Variants in LUZP2 observed in about 807,000 individuals in gnomAD.
LUZP2 encodes the protein leucine zipper protein 2.
LUZP2 carries 52 observed loss-of-function variants against 51.6 expected under a neutral mutation model. The ratio of observed to expected loss-of-function variants is 1.01; its 90% CI spans 0.81 to 1.27. The LOEUF (loss-of-function observed/expected upper bound fraction) is 1.27. Ranked by LOEUF, LUZP2 falls within the 50% of genes most tolerant of loss-of-function variation. The pLI is 0.00. For synonymous variants in LUZP2, 154 were observed against 137.3 expected (o/e 1.12, Z -0.85); for missense variants, 436 against 395.4 (o/e 1.10, Z -0.87).
chr11:24,497,277 C>A lies in LUZP2; in HGVS notation c.34C>A (p.Leu12Ile). The change falls in exon 1 of 12, where the codon CTC (leucine) becomes ATC (isoleucine). Residue 12 changes from leucine (L) to isoleucine (I), a missense_variant. By Grantham distance (5) the Leu-to-Ile change is conservative. Transcript: ENST00000336930. The stretch of plus-strand genomic sequence containing the variant: ...CAGCCCAGCGCACTACCTGCTGCCT[C>A]TCCTGCCTGCGCTGGTCCTCAGCAC... ...KFSPAHYLLPLLPALVLSTRQ... is the reference protein window; with the variant it reads ...KFSPAHYLLPILPALVLSTRQ... 6.4e-7 allele frequency: 1 copy of A among 1,567,416 alleles called. No homozygotes were observed. The highest frequency in any genetic ancestry group is 8.7e-7 in the Non-Finnish European group (1 of 1,155,306).
At chr11:24,770,011 C>G (rs2134049140) in intron 5 of LUZP2, among the ~76,000 whole-genome samples, 1 of 152,288 alleles carries the variant, frequency 6.6e-6, no homozygotes, top group South Asian at 2.1e-4. Flanking sequence ...CCAGGCTGGT[C>G]TCGAACTCCT....
At chr11:24,786,037 T>G in intron 5 of LUZP2, 1 of 985,304 alleles carries the variant, frequency 1.0e-6, no homozygotes. Flanking sequence ...AGTACATCAA[T>G]GTATTAACTC....
intron 5 of LUZP2, among the ~76,000 whole-genome samples, chr11:24,886,585 G>T (rs879755056): frequency 1.3e-5 from 2 of 152,052 alleles, no homozygotes; most frequent in Non-Finnish European, 1.5e-5. Context: ...TCTTTAAATT[G>T]TAAGAAGATA....
intron 1 of LUZP2, among the ~76,000 whole-genome samples, chr11:24,632,517 A>G (rs1431511247): frequency 6.6e-6 from 1 of 152,012 alleles, no homozygotes; most frequent in African/African-American, 2.4e-5. Flanking sequence ...TATTACAAGT[A>G]TGATTTTTAA....
At chr11:24,888,453 A>C (rs942067582) in intron 5 of LUZP2, among the ~76,000 whole-genome samples, 3 of 152,244 alleles carry the variant, frequency 2.0e-5, no homozygotes, top group African/African-American at 7.2e-5. Flanking sequence ...CCATATTGCA[A>C]ATATGATATT....
At chr11:24,759,825 A>G (rs762221584) in intron 4 of LUZP2, among the ~76,000 whole-genome samples, 4 of 152,168 alleles carry the variant, frequency 2.6e-5, no homozygotes, top group Non-Finnish European at 5.9e-5. Context: ...GTGTAAATCA[A>G]AAAGTATCTG....
chr11:24,960,051 T>G lies in LUZP2; in HGVS notation c.523-16540T>G, dbSNP rs538996250. Among the ~76,000 whole-genome samples, 332 of 152,318 alleles carry G rather than the reference T, an allele frequency of 2.2e-3. 3 individuals carry two copies. Among genetic ancestry groups the G allele is most frequent in the African/African-American group, 7.5e-3 (313 of 41,578 alleles). ...GGTTCTGTTGATATGCTGGATTACA[T>G]TTATTGATTTGTGTATATTGAACCA... On this transcript the variant is annotated intron_variant, in intron 7 of 11. Coordinates refer to ENST00000336930, the MANE Select transcript of LUZP2 (RefSeq NM_001009909.4).
At chr11:25,019,243 T>C (rs1392022909) in intron 9 of LUZP2, among the ~76,000 whole-genome samples, 1 of 152,222 alleles carries the variant, frequency 6.6e-6, no homozygotes, top group Non-Finnish European at 1.5e-5. Flanking sequence ...ATCTATCATA[T>C]AGAATTCTAT....
At chr11:25,026,604 G>A (rs971736932) in intron 9 of LUZP2, among the ~76,000 whole-genome samples, 1 of 151,942 alleles carries the variant, frequency 6.6e-6, no homozygotes, top group Admixed American at 6.6e-5. Flanking sequence ...GTGATTATTT[G>A]TGTGGCCTCT....
At chr11:24,920,984 A>C (rs1222312289) in intron 7 of LUZP2, among the ~76,000 whole-genome samples, 1 of 152,180 alleles carries the variant, frequency 6.6e-6, no homozygotes, top group Admixed American at 6.5e-5. Flanking sequence ...CATAAAAATA[A>C]TATATCCATT....
chr11:25,011,720 T>C (rs1409780141), intron 9 of LUZP2, among the ~76,000 whole-genome samples: 2 of 152,232 alleles, frequency 1.3e-5, no homozygotes, highest in East Asian at 3.9e-4. Context: ...ATGCATAATA[T>C]TTTACATATT....
rs765935979 is a variant in LUZP2, at chr11:25,080,678, C to G, written c.*2020C>G. 1 of 152,122 alleles carries G rather than the reference C, an allele frequency of 6.6e-6. No individual in the cohort carries two copies. The highest frequency in any genetic ancestry group is 1.5e-5 in the Non-Finnish European group (1 of 68,022). The allele number at this position is 152,122 out of a possible 1,614,324, so 9.4% of individuals were successfully genotyped here. A position where few individuals can be genotyped will look rare whatever the true frequency, so the allele number is the denominator to read the frequency against. On this transcript the variant is annotated 3_prime_UTR_variant, in exon 12 of 12. Transcript: ENST00000336930. ...CACTGTTCTCAGTGGCCCTAACCATCTCTATAGGTTCCTGACAGGGAAGCA... is the reference window on the plus strand; with the variant it reads ...CACTGTTCTCAGTGGCCCTAACCATGTCTATAGGTTCCTGACAGGGAAGCA...
chr11:24,700,073 T>G (rs1857379097), intron 1 of LUZP2, among the ~76,000 whole-genome samples: 1 of 146,862 alleles, frequency 6.8e-6, no homozygotes, highest in Admixed American at 6.8e-5. Context: ...TTTTTTTTTT[T>G]TTTTTTGAGA....
chr11:24,960,306 A>G (rs953506772), intron 7 of LUZP2, among the ~76,000 whole-genome samples: 2 of 152,108 alleles, frequency 1.3e-5, no homozygotes, highest in East Asian at 3.9e-4. Context: ...TATTGAGTGG[A>G]ATAGTTTCAG....
chr11:24,865,742 G>A (rs866016508), intron 5 of LUZP2, among the ~76,000 whole-genome samples: 47 of 137,360 alleles, frequency 3.4e-4, no homozygotes, highest in African/African-American at 7.6e-4. Flanking sequence ...GTGTGTGTGT[G>A]TGTATATATA....
At chr11:24,847,658 G>A (rs1049249757) in intron 5 of LUZP2, among the ~76,000 whole-genome samples, 1 of 152,098 alleles carries the variant, frequency 6.6e-6, no homozygotes, top group South Asian at 2.1e-4. Flanking sequence ...GTGGAGGGGG[G>A]AAACAAATAT....
At chr11:24,814,229 G>A (rs1480519961) in intron 5 of LUZP2, among the ~76,000 whole-genome samples, 1 of 152,174 alleles carries the variant, frequency 6.6e-6, no homozygotes, top group African/African-American at 2.4e-5. Flanking sequence ...CATAGTAGAA[G>A]TTGTTTATGT....
chr11:24,997,060 A>C (rs1386732985), intron 9 of LUZP2, among the ~76,000 whole-genome samples: 1 of 141,702 alleles, frequency 7.1e-6, no homozygotes, highest in South Asian at 2.2e-4. Flanking sequence ...GCTATTGTGA[A>C]TAGTGCCACA....
rs774053743 is a variant in LUZP2, at chr11:25,077,328, G to A, written c.859-1G>A. ...TGTATTTTTAATTGCTACTTTTGTA[G>A]GAGGGCAGACCGTGTTCCATGAAGC... On this transcript the variant is annotated splice_acceptor_variant, in intron 10 of 11. Coordinates refer to ENST00000336930, the MANE Select transcript of LUZP2 (RefSeq NM_001009909.4). LOFTEE classifies it high-confidence loss of function. 1 of 1,610,270 alleles carries A rather than the reference G, an allele frequency of 6.2e-7. No homozygotes were observed. The highest frequency in any genetic ancestry group is 1.1e-5 in the South Asian group (1 of 90,980).
Sources: allele counts gnomAD v4.1 joint callset (sites outside exome capture counted in the v4.1 genomes callset), GRCh38; gene constraint gnomAD v4.1.1; transcripts MANE v1.5; gene names NCBI Gene and HGNC (gene_info 2026-07-23, HGNC 2026-07-21).